Variants in ELOVL2 observed in about 807,000 individuals in gnomAD.
The protein encoded by ELOVL2 is ELOVL fatty acid elongase 2.
ELOVL2 carries 38 observed loss-of-function variants against 37.7 expected under a neutral mutation model. That is an observed-to-expected ratio of 1.01 (90% CI 0.78 to 1.32). The LOEUF is 1.32. Among genes scored for constraint, ELOVL2 ranks in the 40% most tolerant of loss-of-function variants. The probability of loss-of-function intolerance (pLI) is 0.00; values close to 1 mark genes in which losing one functional copy is unlikely to be tolerated. For synonymous variants in ELOVL2, 115 were observed against 122.3 expected (o/e 0.94, Z 0.40); for missense variants, 352 against 363.6 (o/e 0.97, Z 0.26).
At chr6:11,006,948 T>C (rs1046210236) in intron 2 of ELOVL2, among the ~76,000 whole-genome samples, 1 of 152,230 alleles carries the variant, frequency 6.6e-6, no homozygotes, top group African/African-American at 2.4e-5. Context: ...CTCATATGCA[T>C]AGCAAGACAA....
chr6:11,026,381 G>A (rs1782837967), intron 1 of ELOVL2, among the ~76,000 whole-genome samples: 1 of 152,182 alleles, frequency 6.6e-6, no homozygotes, highest in South Asian at 2.1e-4. Flanking sequence ...AATGGCTCCT[G>A]TAACCAGCAA....
intron 5 of ELOVL2, among the ~76,000 whole-genome samples, chr6:10,991,267 T>G (rs1782153634): frequency 6.6e-6 from 1 of 152,212 alleles, no homozygotes; most frequent in South Asian, 2.1e-4. Flanking sequence ...TGTGAGGATT[T>G]CATCAGTACA....
At chr6:11,012,665 G>A (rs940700502) in intron 1 of ELOVL2, among the ~76,000 whole-genome samples, 1 of 152,198 alleles carries the variant, frequency 6.6e-6, no homozygotes, top group Non-Finnish European at 1.5e-5. Flanking sequence ...CACAGTGGAA[G>A]AAGGGCAGAA....
intron 5 of ELOVL2, among the ~76,000 whole-genome samples, chr6:10,992,163 A>G (rs1782171329): frequency 6.6e-6 from 1 of 152,212 alleles, no homozygotes; most frequent in South Asian, 2.1e-4. Flanking sequence ...ACAGAGATCA[A>G]TTCTTTCTTT....
At chr6:11,038,659 G>A (rs1032058924) in intron 1 of ELOVL2, among the ~76,000 whole-genome samples, 1 of 152,012 alleles carries the variant, frequency 6.6e-6, no homozygotes, top group Non-Finnish European at 1.5e-5. Flanking sequence ...AAAAACTTAT[G>A]ATGAAATATG....
In ELOVL2 at chr6:10,990,318, C is replaced by A; in HGVS notation, c.630G>T (p.Leu210=). The A allele has an allele frequency of 6.2e-7, 1 of 1,609,278 alleles. No individual in the cohort carries two copies. Among genetic ancestry groups the A allele is most frequent in the Non-Finnish European group, 8.5e-7 (1 of 1,178,756 alleles). The part of the protein sequence containing the change: ...WWKKYLTQAQ[L]VQFVLTITHT... Reference sequence around the variant, plus strand: ...AAAGCTAAAAGAAGGGACAACATACCAGCTGAGCCTGTGTGAGATATTTCT... The same window carrying A: ...AAAGCTAAAAGAAGGGACAACATACAAGCTGAGCCTGTGTGAGATATTTCT... Residue 210 remains leucine (L), a splice_region_variant and synonymous_variant, in exon 6 of 8, where the codon CTG becomes CTT. Transcript: ENST00000354666.
intron 1 of ELOVL2, among the ~76,000 whole-genome samples, chr6:11,041,631 C>G (rs964074049): frequency 1.3e-5 from 2 of 152,170 alleles, no homozygotes; most frequent in Non-Finnish European, 2.9e-5. Flanking sequence ...ACTTATATTT[C>G]TTTCCTTTTT....
At chr6:11,029,264 A>G (rs961000484) in intron 1 of ELOVL2, among the ~76,000 whole-genome samples, 8 of 146,906 alleles carry the variant, frequency 5.4e-5, no homozygotes, top group African/African-American at 2.0e-4. Context: ...GCTGGCATTC[A>G]GTGTGGTTCA....
chr6:11,020,024 G>A lies in ELOVL2; in HGVS notation c.4-9215C>T, dbSNP rs190720823. ...CTCCCAAAGTGCTGGGATTACAGGCGTGAGCCACCAGGCCTGGCTTGTATC... is the reference window on the plus strand; with the variant it reads ...CTCCCAAAGTGCTGGGATTACAGGCATGAGCCACCAGGCCTGGCTTGTATC... On this transcript the variant is annotated intron_variant, in intron 1 of 7. Transcript: ENST00000354666. Among the ~76,000 whole-genome samples, 10 of 152,274 alleles carry A rather than the reference G, an allele frequency of 6.6e-5. No individual in the cohort carries two copies. In the East Asian group the frequency reaches 1.5e-3, roughly 24 times the overall value.
intron 2 of ELOVL2, among the ~76,000 whole-genome samples, chr6:11,008,169 G>A (rs1782510936): frequency 6.6e-6 from 1 of 152,046 alleles, no homozygotes; most frequent in Non-Finnish European, 1.5e-5. Flanking sequence ...AAGAAAAAAG[G>A]ATTCCTGATG....
chr6:11,014,485 A>AAAC (rs528121638), intron 1 of ELOVL2, among the ~76,000 whole-genome samples: 70 of 150,094 alleles, frequency 4.7e-4, no homozygotes, highest in Admixed American at 9.3e-4. Context: ...TCAAAAAAAC[A>AAAC]AACAACAACA....
At chr6:11,004,631 C>T (rs1782448313) in intron 3 of ELOVL2, among the ~76,000 whole-genome samples, 1 of 152,074 alleles carries the variant, frequency 6.6e-6, no homozygotes, top group African/African-American at 2.4e-5. Flanking sequence ...CAAAGACATA[C>T]AGAGTATTCT....
At chr6:11,013,458 T>G (rs1782618425) in intron 1 of ELOVL2, among the ~76,000 whole-genome samples, 1 of 152,178 alleles carries the variant, frequency 6.6e-6, no homozygotes, top group South Asian at 2.1e-4. Flanking sequence ...AAATGTCAAG[T>G]GTGCTGGACA....
chr6:10,992,566 G>A (rs148872250), intron 5 of ELOVL2, among the ~76,000 whole-genome samples: 3,077 of 152,114 alleles, frequency 0.02, 94 homozygotes, highest in African/African-American at 0.07. Flanking sequence ...CGAGGCGGGC[G>A]GATCACAAGG....
rs182424036 is a variant in ELOVL2, at chr6:10,982,951, C to T, written c.*830G>A. The T allele has an allele frequency of 6.6e-6, 1 of 152,328 alleles. No individual in the cohort carries two copies. Among genetic ancestry groups the T allele is most frequent in the East Asian group, 1.9e-4 (1 of 5,194 alleles). The allele number at this position is 152,328 out of a possible 1,614,324, so 9.4% of individuals were successfully genotyped here. On this transcript the variant is annotated 3_prime_UTR_variant, in exon 8 of 8. Coordinates refer to ENST00000354666, the MANE Select transcript of ELOVL2 (RefSeq NM_017770.4). ...GTCGGAGTGGACTCCAGTGCTTGCTCAGAAAGTAAACGGGCAGCCAGATTT... is the reference window on the plus strand; with the variant it reads ...GTCGGAGTGGACTCCAGTGCTTGCTTAGAAAGTAAACGGGCAGCCAGATTT...
intron 6 of ELOVL2, 21 bp from the exon 7 acceptor site, chr6:10,989,858 A>C (rs1394115044): frequency 6.2e-7 from 1 of 1,613,852 alleles, no homozygotes; most frequent in Non-Finnish European, 8.5e-7. Flanking sequence ...CAGAGAGGGC[A>C]TCTCTGTGAG....
intron 5 of ELOVL2, among the ~76,000 whole-genome samples, chr6:10,993,857 ATTTT>A (rs530539525): frequency 2.7e-4 from 21 of 79,094 alleles, no homozygotes; most frequent in East Asian, 2.0e-3. Context: ...CGCCCAGCTA[ATTTT>A]TTTTTTTTTT....
Position 10,983,730 on chromosome 6 carries a change from A to C in ELOVL2, c.*51T>G. ...AACCTTCAATTCAGTCTTTGCTTTA[A>C]AACAAGCCAATCTGTTAGGCTAGTA... On this transcript the variant is annotated 3_prime_UTR_variant, in exon 8 of 8. Transcript: ENST00000354666. 1 of 1,539,508 alleles carries C rather than the reference A, an allele frequency of 6.5e-7. No homozygotes were observed. The highest frequency in any genetic ancestry group is 1.3e-5 in the South Asian group (1 of 79,462).
chr6:11,000,012 T>C (rs1210079298), intron 4 of ELOVL2, 75 bp downstream of exon 4: 9 of 1,316,014 alleles, frequency 6.8e-6, no homozygotes, highest in Non-Finnish European at 5.5e-6. Flanking sequence ...CAGCCCTCTA[T>C]CTGGAAGGAG....
Sources: allele counts gnomAD v4.1 joint callset (sites outside exome capture counted in the v4.1 genomes callset), GRCh38; gene constraint gnomAD v4.1.1; transcripts MANE v1.5; gene names NCBI Gene and HGNC (gene_info 2026-07-23, HGNC 2026-07-21).